The following HHAT variants were observed in gnomAD, a reference collection of about 807,000 sequenced individuals.
HHAT encodes the protein hedgehog acyltransferase, also known as protein-cysteine N-palmitoyltransferase HHAT.
A neutral mutation model predicts 70.8 loss-of-function variants in HHAT; 47 were observed. The ratio of observed to expected loss-of-function variants is 0.66; its 90% confidence interval spans 0.53 to 0.85. The LOEUF is 0.85. HHAT is among the 40% of genes least tolerant of loss of function. The pLI is 0.00. For missense variants in HHAT, 609 were observed against 604.8 expected (o/e 1.01, Z -0.07); for synonymous variants, 228 against 247.6 (o/e 0.92, Z 0.74).
At chr1:210,488,648 T>G (rs951716085) in intron 8 of HHAT, among the ~76,000 whole-genome samples, 1 of 152,130 alleles carries the variant, frequency 6.6e-6, no homozygotes, top group Non-Finnish European at 1.5e-5. Context: ...ATCCTAGCAC[T>G]TTGGGAGGCT....
chr1:210,391,466 CAA>C (rs2091455054), intron 4 of HHAT, among the ~76,000 whole-genome samples: 2 of 151,756 alleles, frequency 1.3e-5, no homozygotes, highest in Admixed American at 1.3e-4. Context: ...TCTAATGACA[CAA>C]TAGAAAAGTG....
intron 9 of HHAT, among the ~76,000 whole-genome samples, chr1:210,582,072 T>C (rs189914382): frequency 3.3e-5 from 5 of 152,278 alleles, no homozygotes; most frequent in African/African-American, 1.2e-4. Context: ...CTGGGTTAAA[T>C]TGCAAGTTGG....
At chr1:210,618,223 CCTGA>C (rs1489591957) in intron 10 of HHAT, among the ~76,000 whole-genome samples, 1 of 152,150 alleles carries the variant, frequency 6.6e-6, no homozygotes, top group African/African-American at 2.4e-5. Flanking sequence ...TCTGAGTCCT[CCTGA>C]CTTTCAGTGT....
intron 11 of HHAT, among the ~76,000 whole-genome samples, chr1:210,629,241 G>C (rs1020444023): frequency 9.2e-5 from 14 of 152,338 alleles, no homozygotes; most frequent in Middle Eastern, 6.8e-3. Context: ...CAGAGGCCTT[G>C]GGCATTAGTT....
intron 10 of HHAT, chr1:210,588,677 T>G (rs1313415524): frequency 6.6e-6 from 1 of 152,478 alleles, no homozygotes. Flanking sequence ...AAGTGAAATT[T>G]CCAGGTTCAA....
intron 10 of HHAT, among the ~76,000 whole-genome samples, chr1:210,606,880 A>G (rs997745147): frequency 1.4e-4 from 21 of 152,208 alleles, no homozygotes; most frequent in Admixed American, 2.0e-4. Context: ...CTGTTGAGAA[A>G]TGCCATTTTC....
At chr1:210,342,647 G>C (rs1001841260) in intron 1 of HHAT, among the ~76,000 whole-genome samples, 2 of 152,168 alleles carry the variant, frequency 1.3e-5, no homozygotes, top group Non-Finnish European at 2.9e-5. Context: ...AGGACTGACT[G>C]CATGAAAACA....
intron 6 of HHAT, among the ~76,000 whole-genome samples, chr1:210,414,163 G>A (rs1316812423): frequency 6.6e-6 from 1 of 152,152 alleles, no homozygotes; most frequent in African/African-American, 2.4e-5. Flanking sequence ...TTCATAGATT[G>A]GCACCTTCTC....
chr1:210,514,290 T>C (rs1409089025), intron 9 of HHAT, among the ~76,000 whole-genome samples: 2 of 152,204 alleles, frequency 1.3e-5, no homozygotes, highest in Admixed American at 1.3e-4. Flanking sequence ...AGGATGGTCC[T>C]GGCTTTCTCC....
chr1:210,674,109 T>C (rs1013951596), intron 11 of HHAT, among the ~76,000 whole-genome samples, 179 bp from the exon 12 acceptor site: 6 of 152,218 alleles, frequency 3.9e-5, no homozygotes, highest in South Asian at 4.1e-4. Flanking sequence ...CTCCTCATTT[T>C]ATGCTGACTC....
intron 2 of HHAT, 39 bp from the exon 3 acceptor site, chr1:210,362,813 T>G (rs2088489094): frequency 6.3e-7 from 1 of 1,575,294 alleles, no homozygotes; most frequent in African/African-American, 1.4e-5. Flanking sequence ...CAGTTTTGTT[T>G]AGATTTGTGA....
At chr1:210,338,077 T>A (rs942596109) in intron 1 of HHAT, among the ~76,000 whole-genome samples, 2 of 152,120 alleles carry the variant, frequency 1.3e-5, no homozygotes, top group Admixed American at 1.3e-4. Flanking sequence ...ACAGGCATGG[T>A]GGCTCATGTT....
chr1:210,419,580 G>T (rs897736640), intron 7 of HHAT, among the ~76,000 whole-genome samples: 2 of 152,210 alleles, frequency 1.3e-5, no homozygotes, highest in Non-Finnish European at 2.9e-5. Context: ...CTGAGGGCAA[G>T]AGTACAAGCC....
chr1:210,482,405 C>T (rs113836510), intron 8 of HHAT, among the ~76,000 whole-genome samples: 22 of 152,314 alleles, frequency 1.4e-4, no homozygotes, highest in East Asian at 3.9e-4. Flanking sequence ...GTTTCTCTAA[C>T]GCAATTTTGT....
At chr1:210,327,384 A>C (rs923001007), upstream of HHAT, among the ~76,000 whole-genome samples, 1 of 145,770 alleles carries the variant, frequency 6.9e-6, no homozygotes, top group South Asian at 2.2e-4. Flanking sequence ...TTATCTACTC[A>C]CCTCGACCTC....
chr1:210,461,833 G>A (rs570546072), intron 7 of HHAT, among the ~76,000 whole-genome samples: 9 of 151,932 alleles, frequency 5.9e-5, no homozygotes, highest in South Asian at 2.1e-4. Context: ...ATCTTAAGCC[G>A]TAAGAAATAT....
intron 11 of HHAT, among the ~76,000 whole-genome samples, chr1:210,669,106 A>G (rs1286054166): frequency 1.3e-5 from 2 of 152,110 alleles, no homozygotes; most frequent in Non-Finnish European, 2.9e-5. Flanking sequence ...TTTTCACTGG[A>G]CCTGCTTCTT....
intron 7 of HHAT, among the ~76,000 whole-genome samples, chr1:210,438,548 G>A (rs1408896832): frequency 1.3e-5 from 2 of 151,566 alleles, no homozygotes; most frequent in Non-Finnish European, 2.9e-5. Context: ...ACTTATTAAG[G>A]CATCTGGTAT....
At chr1:210,558,722 A>G (rs1469044383) in intron 9 of HHAT, among the ~76,000 whole-genome samples, 2 of 151,752 alleles carry the variant, frequency 1.3e-5, no homozygotes, top group African/African-American at 4.9e-5. Flanking sequence ...ATTTTCTTTG[A>G]ACCTCCAAAA....
Sources: allele counts gnomAD v4.1 joint callset (sites outside exome capture counted in the v4.1 genomes callset), GRCh38; gene constraint gnomAD v4.1.1; transcripts MANE v1.5; gene names NCBI Gene and HGNC (gene_info 2026-07-23, HGNC 2026-07-21).